The following WASF1 variants were observed in gnomAD, a reference collection of about 807,000 sequenced individuals.
WASF1 encodes the protein actin-binding protein WASF1.
WASF1 carries 7 observed loss-of-function variants against 50.5 expected under a neutral mutation model. The observed-to-expected ratio is 0.14, with a 90% CI of 0.08 to 0.26. WASF1 has a LOEUF of 0.26. Among genes scored for constraint, WASF1 ranks in the 10% least tolerant of loss-of-function variants. The pLI is 1.00. For missense variants in WASF1, 470 were observed against 694.7 expected, an observed-to-expected ratio of 0.68 and a Z score of 3.64; for synonymous variants, 205 against 244.0, an observed-to-expected ratio of 0.84 and a Z score of 1.49.
intron 3 of WASF1, among the ~76,000 whole-genome samples, chr6:110,139,634 C>T (rs1385677028): frequency 1.3e-5 from 2 of 152,102 alleles, no homozygotes; most frequent in Non-Finnish European, 2.9e-5. Flanking sequence ...CTTATATTTT[C>T]TCCTTGTCAT....
chr6:110,101,010 T>C (rs1433437473), intron 10 of WASF1, among the ~76,000 whole-genome samples: 5 of 152,174 alleles, frequency 3.3e-5, no homozygotes, highest in Non-Finnish European at 5.9e-5. Flanking sequence ...AAATTAAACA[T>C]TGTTGAATAT....
chr6:110,171,900 G>C (rs1395727179), intron 2 of WASF1, among the ~76,000 whole-genome samples: 1 of 152,090 alleles, frequency 6.6e-6, no homozygotes, highest in Non-Finnish European at 1.5e-5. Flanking sequence ...CTCAAAAGAA[G>C]ACGTCTATGC....
At chr6:110,126,727 A>T (rs1173056229) in intron 4 of WASF1, among the ~76,000 whole-genome samples, 3 of 152,244 alleles carry the variant, frequency 2.0e-5, no homozygotes, top group Non-Finnish European at 4.4e-5. Flanking sequence ...CAAAAGACAG[A>T]CCAGATTTTT....
At chr6:110,133,539 A>G (rs930038512) in intron 3 of WASF1, among the ~76,000 whole-genome samples, 2 of 152,148 alleles carry the variant, frequency 1.3e-5, no homozygotes, top group East Asian at 3.9e-4. Flanking sequence ...CAACACATCC[A>G]TAACAGCAGC....
chr6:110,150,806 C>T (rs1468436107), intron 3 of WASF1, among the ~76,000 whole-genome samples: 2 of 152,102 alleles, frequency 1.3e-5, no homozygotes, highest in Non-Finnish European at 1.5e-5. Flanking sequence ...GAGGCTGAGG[C>T]GGGCAGATCA....
rs551571007 is a variant in WASF1 at position 110,110,711 on chromosome 6, T to C, written c.269-2030A>G. On this transcript the variant is annotated intron_variant, in intron 5 of 10. Coordinates refer to ENST00000392589, the MANE Select transcript of WASF1 (RefSeq NM_003931.3). ...ACTTAAATATAATTGTACAAGTCTT[T>C]GTTTAAAATTCATTTAAAAAATATT... is the stretch of plus-strand genomic sequence containing the variant. 5.8e-4 allele frequency among the ~76,000 whole-genome samples: 88 copies of C among 152,322 alleles called. 3 individuals carry two copies. The South Asian group carries it at 0.017, about 29-fold the overall frequency.
intron 3 of WASF1, among the ~76,000 whole-genome samples, chr6:110,132,467 G>T (rs1395993375): frequency 1.3e-5 from 2 of 151,802 alleles, no homozygotes; most frequent in Non-Finnish European, 2.9e-5. Context: ...CAAGGCGTCT[G>T]TAATACGGTT....
chr6:110,159,119 A>G (rs752479334), intron 3 of WASF1, among the ~76,000 whole-genome samples: 1 of 151,984 alleles, frequency 6.6e-6, no homozygotes, highest in Non-Finnish European at 1.5e-5. Context: ...AGCAACTAAC[A>G]GCATTTTGCG....
chr6:110,149,760 G>A (rs1302842945), intron 3 of WASF1, among the ~76,000 whole-genome samples: 1 of 152,100 alleles, frequency 6.6e-6, no homozygotes, highest in African/African-American at 2.4e-5. Flanking sequence ...GGGGTACATG[G>A]ATAAGTGATT....
At chr6:110,173,541 T>C (rs1233648903) in intron 2 of WASF1, among the ~76,000 whole-genome samples, 1 of 152,168 alleles carries the variant, frequency 6.6e-6, no homozygotes, top group Non-Finnish European at 1.5e-5. Flanking sequence ...ACTTGATCTA[T>C]GAGAGGACTC....
At chr6:110,140,654 C>A (rs1583986353) in intron 3 of WASF1, among the ~76,000 whole-genome samples, 1 of 152,192 alleles carries the variant, frequency 6.6e-6, no homozygotes, top group East Asian at 1.9e-4. Context: ...CGGGGAAAAA[C>A]CCCACACAAC....
intron 4 of WASF1, among the ~76,000 whole-genome samples, chr6:110,118,845 C>T (rs1283456573): frequency 6.6e-6 from 1 of 152,176 alleles, no homozygotes; most frequent in Non-Finnish European, 1.5e-5. Flanking sequence ...CGAACTGTCC[C>T]TCAGATCACA....
At chr6:110,113,200 A>C in intron 5 of WASF1, 126 bp downstream of exon 5, 1 of 825,440 alleles carries the variant, frequency 1.2e-6, no homozygotes, top group African/African-American at 1.8e-5. Context: ...ATTTATTACA[A>C]TATGTACACC....
chr6:110,135,858 G>A (rs1450010470), intron 3 of WASF1, among the ~76,000 whole-genome samples: 14 of 142,540 alleles, frequency 9.8e-5, no homozygotes, highest in Non-Finnish European at 2.1e-4. Context: ...ACATCCATGA[G>A]AGAAAACAGT....
At chr6:110,112,118 C>T (rs962430753) in intron 5 of WASF1, among the ~76,000 whole-genome samples, 5 of 151,286 alleles carry the variant, frequency 3.3e-5, no homozygotes, top group Admixed American at 6.6e-5. Context: ...AGACATCTAT[C>T]ATTACATTAT....
intron 4 of WASF1, among the ~76,000 whole-genome samples, chr6:110,120,928 A>C (rs573681315): frequency 3.2e-4 from 48 of 151,294 alleles, no homozygotes; most frequent in African/African-American, 1.2e-3. Context: ...CAAAAACAAG[A>C]AATGGGGAAA....
intron 3 of WASF1, among the ~76,000 whole-genome samples, chr6:110,149,231 C>T (rs1196434811): frequency 6.6e-6 from 1 of 151,452 alleles, no homozygotes; most frequent in African/African-American, 2.4e-5. Context: ...CCTTACATTT[C>T]ATTATTCTGT....
intron 3 of WASF1, among the ~76,000 whole-genome samples, chr6:110,155,560 T>C (rs1776029739): frequency 8.5e-6 from 1 of 117,508 alleles, no homozygotes; most frequent in African/African-American, 3.9e-5. Flanking sequence ...TTTTTTTTTT[T>C]TTTTTATTAT....
intron 3 of WASF1, among the ~76,000 whole-genome samples, chr6:110,150,225 TC>T (rs577111232): frequency 1.9e-3 from 294 of 152,208 alleles, no homozygotes; most frequent in African/African-American, 6.7e-3. Context: ...TAAAATAGCT[TC>T]ACCACCCAGC....
Sources: gnomAD v4.1 joint callset for allele counts (sites outside exome capture counted in the v4.1 genomes callset) on GRCh38, gnomAD v4.1.1 for gene constraint, MANE v1.5 for transcripts, NCBI Gene and HGNC (gene_info 2026-07-23, HGNC 2026-07-21) for gene names.